Variants in UPRT observed in about 807,000 individuals in gnomAD.
The protein encoded by UPRT is uracil phosphoribosyltransferase homolog, also known as RP11-311P8.3.
UPRT carries 5 observed loss-of-function variants against 22.6 expected under a neutral mutation model. The ratio of observed to expected loss-of-function variants is 0.22; its 90% confidence interval spans 0.12 to 0.47. The LOEUF is 0.47. UPRT is among the 20% of genes least tolerant of loss of function. The pLI is 0.99. For missense variants in UPRT, 181 were observed against 239.9 expected (o/e 0.75, Z 1.62); for synonymous variants, 77 against 87.7 (o/e 0.88, Z 0.68).
intron 4 of UPRT, among the ~76,000 whole-genome samples, chrX:75,219,451 C>T (rs776316974): frequency 7.1e-5 from 8 of 111,894 alleles, no homozygotes; most frequent in Non-Finnish European, 1.1e-4. Flanking sequence ...TGTGTGGTTT[C>T]AGTAACAGAG....
intron 4 of UPRT, among the ~76,000 whole-genome samples, chrX:75,174,117 G>C (rs1411333001): frequency 8.9e-6 from 1 of 112,388 alleles, no homozygotes; most frequent in Non-Finnish European, 1.9e-5. Context: ...GAAGTGCCAA[G>C]AGCGAGTGAG....
chrX:75,231,762 A>AC (rs2082439147), intron 4 of UPRT, among the ~76,000 whole-genome samples: 1 of 112,179 alleles, frequency 8.9e-6, no homozygotes, highest in African/African-American at 3.2e-5. Flanking sequence ...TCAGCAGAAA[A>AC]CCTGCAAGCC....
At chrX:75,217,913 A>C (rs1269074824) in intron 4 of UPRT, among the ~76,000 whole-genome samples, 4 of 112,187 alleles carry the variant, frequency 3.6e-5, no homozygotes, top group African/African-American at 1.3e-4. Context: ...CTTAAACGTT[A>C]GATCTAAAAC....
intron 4 of UPRT, among the ~76,000 whole-genome samples, chrX:75,209,674 A>G (rs1052209946): frequency 8.9e-6 from 1 of 112,377 alleles, no homozygotes; most frequent in African/African-American, 3.2e-5. Flanking sequence ...TTCCTGGCCC[A>G]GTGTTTCTTG....
At chrX:75,288,585 A>G (rs1161047606) in intron 1 of UPRT, among the ~76,000 whole-genome samples, 1 of 112,506 alleles carries the variant, frequency 8.9e-6, no homozygotes, top group Non-Finnish European at 1.9e-5. Context: ...ATATATGATC[A>G]TCTCAACAGC....
chrX:75,184,472 T>G (rs1393449971), intron 4 of UPRT, among the ~76,000 whole-genome samples: 2 of 105,091 alleles, frequency 1.9e-5, no homozygotes, highest in Non-Finnish European at 3.9e-5. Flanking sequence ...CCTCCAGCTT[T>G]GTTCTTTTGG....
intron 4 of UPRT, among the ~76,000 whole-genome samples, chrX:75,183,873 T>C (rs2082279837): frequency 1.8e-5 from 2 of 112,412 alleles, no homozygotes; most frequent in Non-Finnish European, 3.8e-5. Flanking sequence ...TGGGGTTGTT[T>C]GTTTTTTTCT....
chrX:75,267,978 T>C (rs2082595899), intron 4 of UPRT, among the ~76,000 whole-genome samples: 1 of 110,658 alleles, frequency 9.0e-6, no homozygotes, highest in African/African-American at 3.3e-5. Context: ...CAGGAGCTGG[T>C]TTTTCGAAAA....
chrX:75,176,606 G>T (rs2082247515), intron 4 of UPRT, among the ~76,000 whole-genome samples: 1 of 111,171 alleles, frequency 9.0e-6, no homozygotes, highest in Non-Finnish European at 1.9e-5. Flanking sequence ...ATAGCCTGGG[G>T]TTTTTTGTGG....
chrX:75,157,175 AACCCCGG>A (rs2082183929), intron 1 of UPRT, among the ~76,000 whole-genome samples: 1 of 112,231 alleles, frequency 8.9e-6, no homozygotes, highest in African/African-American at 3.2e-5. Context: ...TGTTACCTGA[AACCCCGG>A]AGACAATAAT....
chrX:75,208,846 A>C (rs1384460202), intron 4 of UPRT, among the ~76,000 whole-genome samples: 1 of 111,765 alleles, frequency 8.9e-6, no homozygotes, highest in African/African-American at 3.3e-5. Flanking sequence ...ATGTGTGGCT[A>C]TTGTGGGTTT....
intron 4 of UPRT, among the ~76,000 whole-genome samples, chrX:75,215,579 T>C (rs901521238): frequency 2.7e-5 from 3 of 111,807 alleles, no homozygotes; most frequent in Non-Finnish European, 5.6e-5. Context: ...TAAAGAAATA[T>C]TATGAACAAC....
At chrX:75,238,372 A>G (rs1049473385) in intron 4 of UPRT, among the ~76,000 whole-genome samples, 8 of 112,178 alleles carry the variant, frequency 7.1e-5, no homozygotes, top group African/African-American at 2.6e-4. Context: ...AACAACAGTT[A>G]AAACAGATAA....
At chrX:75,250,026 C>T (rs186224512) in intron 4 of UPRT, among the ~76,000 whole-genome samples, 1 of 111,776 alleles carries the variant, frequency 8.9e-6, no homozygotes, top group African/African-American at 3.3e-5. Flanking sequence ...AACAAAGACA[C>T]AACATACCAG....
chrX:75,230,855 A>G (rs1308387008), intron 4 of UPRT, among the ~76,000 whole-genome samples: 4 of 111,728 alleles, frequency 3.6e-5, no homozygotes, highest in African/African-American at 1.3e-4. Flanking sequence ...GGCAATAACA[A>G]TCAGTGCAGT....
chrX:75,185,893 C>G (rs1247723305), intron 4 of UPRT, among the ~76,000 whole-genome samples: 1 of 111,231 alleles, frequency 9.0e-6, no homozygotes, highest in Non-Finnish European at 1.9e-5. Context: ...TTTACTGTGT[C>G]TATTTGATTT....
At chrX:75,169,966 A>G (rs1478791813) in intron 4 of UPRT, among the ~76,000 whole-genome samples, 2 of 108,350 alleles carry the variant, frequency 1.8e-5, no homozygotes. Context: ...TTAGGTGCAT[A>G]TATTCTTAGG....
intron 1 of UPRT, among the ~76,000 whole-genome samples, chrX:75,160,504 G>A (rs1323902423): frequency 1.8e-5 from 2 of 111,509 alleles, no homozygotes; most frequent in Non-Finnish European, 3.8e-5. Flanking sequence ...ATTAATAATA[G>A]CAACTTTTTC....
chrX:75,244,561 T>C (rs1391984361), intron 4 of UPRT, among the ~76,000 whole-genome samples: 1 of 111,126 alleles, frequency 9.0e-6, no homozygotes, highest in Admixed American at 9.6e-5. Flanking sequence ...ACAAAAAGTA[T>C]CACCAGTGGA....
Sources: allele counts gnomAD v4.1 joint callset (sites outside exome capture counted in the v4.1 genomes callset), GRCh38; gene constraint gnomAD v4.1.1; transcripts MANE v1.5; gene names NCBI Gene and HGNC (gene_info 2026-07-23, HGNC 2026-07-21).